The following MACROD2 variants were observed in gnomAD, a reference collection of about 807,000 sequenced individuals.
MACROD2 encodes the protein mono-ADP ribosylhydrolase 2, also known as ADP-ribose glycohydrolase MACROD2.
Under a neutral mutation model 70.4 loss-of-function variants are expected in MACROD2, and 36 were observed. The observed-to-expected ratio is 0.51, with a 90% CI of 0.39 to 0.68. The LOEUF (loss-of-function observed/expected upper bound fraction) is 0.68. MACROD2 is among the 30% of genes least tolerant of loss of function. The pLI, the probability that MACROD2 is intolerant of heterozygous loss-of-function variation, is 0.00. For missense variants in MACROD2, 496 were observed against 538.4 expected (o/e 0.92, Z 0.78); for synonymous variants, 172 against 178.8 (o/e 0.96, Z 0.30).
chr20:15,744,116 T>G (rs181232101), intron 8 of MACROD2, among the ~76,000 whole-genome samples: 65 of 152,234 alleles, frequency 4.3e-4, no homozygotes, highest in African/African-American at 1.6e-3. Context: ...TCTCTTTTTT[T>G]CTTTTAAAAA....
At chr20:14,227,462 G>A (rs1221379336) in intron 3 of MACROD2, among the ~76,000 whole-genome samples, 2 of 152,102 alleles carry the variant, frequency 1.3e-5, no homozygotes, top group Non-Finnish European at 2.9e-5. Context: ...CCCACCGGGA[G>A]GAACGAACAA....
chr20:14,009,526 T>A (rs1209550737), intron 2 of MACROD2, among the ~76,000 whole-genome samples: 1 of 152,068 alleles, frequency 6.6e-6, no homozygotes, highest in East Asian at 1.9e-4. Flanking sequence ...GGAATGTAAA[T>A]TAGCTCAACC....
At chr20:15,073,063 C>T (rs574704522) in intron 5 of MACROD2, among the ~76,000 whole-genome samples, 2 of 152,190 alleles carry the variant, frequency 1.3e-5, no homozygotes, top group Admixed American at 6.5e-5. Flanking sequence ...AAGGCCTCTA[C>T]CAGAAGCTAG....
chr20:15,829,367 T>C (rs1000675060), intron 8 of MACROD2, among the ~76,000 whole-genome samples: 5 of 152,184 alleles, frequency 3.3e-5, no homozygotes, highest in Non-Finnish European at 5.9e-5. Flanking sequence ...GTCTCACCAG[T>C]TGATGGTTTA....
At chr20:15,728,379 C>T (rs1245197659) in intron 8 of MACROD2, among the ~76,000 whole-genome samples, 2 of 152,104 alleles carry the variant, frequency 1.3e-5, no homozygotes, top group Non-Finnish European at 2.9e-5. Context: ...AGTTGTGTCT[C>T]TGCTAGGTTT....
chr20:15,301,862 G>A (rs1028669141), intron 6 of MACROD2, among the ~76,000 whole-genome samples: 78 of 151,956 alleles, frequency 5.1e-4, no homozygotes, highest in African/African-American at 1.7e-3. Context: ...TCATTCTCTC[G>A]CGTCTCATTT....
chr20:14,279,276 A>G (rs2082284596), intron 3 of MACROD2, among the ~76,000 whole-genome samples: 1 of 152,194 alleles, frequency 6.6e-6, no homozygotes, highest in African/African-American at 2.4e-5. Flanking sequence ...CCTAAAAACA[A>G]AAACAAACAA....
intron 8 of MACROD2, among the ~76,000 whole-genome samples, chr20:15,708,244 G>A (rs987727441): frequency 1.3e-5 from 2 of 152,054 alleles, no homozygotes; most frequent in East Asian, 3.9e-4. Flanking sequence ...TTCCTGGTGG[G>A]AGACACAGAC....
intron 3 of MACROD2, among the ~76,000 whole-genome samples, chr20:14,410,216 T>C (rs566142647): frequency 4.4e-3 from 224 of 50,518 alleles, no homozygotes; most frequent in African/African-American, 0.017. Context: ...AGTTTGCATT[T>C]CTTTTTTTTT....
chr20:15,752,964 TTATA>T (rs1237259618), intron 8 of MACROD2, among the ~76,000 whole-genome samples: 1 of 152,180 alleles, frequency 6.6e-6, no homozygotes, highest in Middle Eastern at 3.2e-3. Context: ...GTGTGTATAT[TTATA>T]TATGTATGTA....
chr20:15,913,307 G>A (rs190066480), intron 10 of MACROD2, among the ~76,000 whole-genome samples: 1 of 152,136 alleles, frequency 6.6e-6, no homozygotes, highest in African/African-American at 2.4e-5. Context: ...TATGTTTAAG[G>A]CTGGAGAGAG....
At chr20:15,109,884 C>T (rs2075941420) in intron 5 of MACROD2, among the ~76,000 whole-genome samples, 2 of 151,836 alleles carry the variant, frequency 1.3e-5, no homozygotes, top group East Asian at 1.9e-4. Context: ...AGGCGAAAAG[C>T]CTTCTCGTTC....
intron 6 of MACROD2, among the ~76,000 whole-genome samples, chr20:15,326,391 A>G: frequency 6.6e-6 from 1 of 152,066 alleles, no homozygotes; most frequent in East Asian, 1.9e-4. Flanking sequence ...ACATTTTTTT[A>G]CCTTATTGGA....
chr20:14,616,928 T>A (rs937727975), intron 4 of MACROD2, among the ~76,000 whole-genome samples: 1 of 152,130 alleles, frequency 6.6e-6, no homozygotes, highest in Non-Finnish European at 1.5e-5. Context: ...TCTCTTTTGA[T>A]TCTAAAACCT....
chr20:15,311,833 G>T (rs2077756078), intron 6 of MACROD2, among the ~76,000 whole-genome samples: 1 of 152,146 alleles, frequency 6.6e-6, no homozygotes, highest in Admixed American at 6.6e-5. Flanking sequence ...GTTGGGTACT[G>T]TGCTCAGTAC....
intron 8 of MACROD2, among the ~76,000 whole-genome samples, chr20:15,833,719 A>T (rs1295050023): frequency 6.6e-6 from 1 of 152,220 alleles, no homozygotes; most frequent in Non-Finnish European, 1.5e-5. Context: ...TTTACCAAGC[A>T]GGACTGACTC....
intron 8 of MACROD2, among the ~76,000 whole-genome samples, chr20:15,641,318 T>C (rs1046618222): frequency 3.3e-5 from 5 of 152,200 alleles, no homozygotes; most frequent in Admixed American, 1.3e-4. Flanking sequence ...TGAGGCAGAC[T>C]AACTAGAGTA....
intron 4 of MACROD2, among the ~76,000 whole-genome samples, chr20:14,533,371 G>T (rs761271836): frequency 6.6e-6 from 1 of 152,170 alleles, no homozygotes; most frequent in Non-Finnish European, 1.5e-5. Flanking sequence ...ACCTCAGTTA[G>T]TGAAAATTTT....
rs536920848 is a variant in MACROD2 at position 14,365,307 on chromosome 20, G to C, written c.272-128172G>C. On this transcript the variant is annotated intron_variant, in intron 3 of 17. Transcript: ENST00000684519. ...ATCATTTTTATTTCTCTAAGATTGA[G>C]AAATAAAGCTTAGAGAAATAAAAGT... 7.7e-4 allele frequency among the ~76,000 whole-genome samples: 116 copies of C among 151,304 alleles called. 1 individual carries two copies. In the Middle Eastern group the frequency reaches 0.01, roughly 13 times the overall value.
Sources: gnomAD v4.1 joint callset for allele counts (sites outside exome capture counted in the v4.1 genomes callset) on GRCh38, gnomAD v4.1.1 for gene constraint, MANE v1.5 for transcripts, NCBI Gene and HGNC (gene_info 2026-07-23, HGNC 2026-07-21) for gene names.